The following UBE2E2 variants were observed in gnomAD, a reference collection of about 807,000 sequenced individuals.
UBE2E2 encodes the protein ubiquitin-conjugating enzyme E2 E2.
UBE2E2 carries 6 observed loss-of-function variants against 24.7 expected under a neutral mutation model. That is an observed-to-expected ratio of 0.24 (90% CI 0.13 to 0.48). The LOEUF (loss-of-function observed/expected upper bound fraction) is 0.48, where lower values mean the gene tolerates loss of function less well. Among genes scored for constraint, UBE2E2 ranks in the 20% least tolerant of loss-of-function variants. The pLI, the probability that UBE2E2 is intolerant of heterozygous loss-of-function variation, is 0.99. For missense variants in UBE2E2, 169 were observed against 245.0 expected (o/e 0.69, Z 2.07); for synonymous variants, 104 against 83.6 (o/e 1.24, Z -1.33).
At chr3:23,403,149 C>G (rs1432109800) in intron 3 of UBE2E2, among the ~76,000 whole-genome samples, 2 of 152,172 alleles carry the variant, frequency 1.3e-5, no homozygotes, top group Non-Finnish European at 2.9e-5. Flanking sequence ...AATTATTTGA[C>G]TTCTTGAACA....
At chr3:23,222,155 T>C (rs184027207) in intron 3 of UBE2E2, among the ~76,000 whole-genome samples, 88 of 152,310 alleles carry the variant, frequency 5.8e-4, no homozygotes, top group Non-Finnish European at 2.5e-4. Flanking sequence ...GTTCCATCCA[T>C]GTTGCTGCAC....
At chr3:23,269,093 A>G (rs1277752692) in intron 3 of UBE2E2, among the ~76,000 whole-genome samples, 1 of 152,068 alleles carries the variant, frequency 6.6e-6, no homozygotes, top group African/African-American at 2.4e-5. Flanking sequence ...CTAAAACCAT[A>G]AAAACCCTAG....
rs976593811 is a variant in UBE2E2 at position 23,319,835 on chromosome 3, AC to A, written c.227+102524del. ...TTGTCAAAAAAAAGAACAACAAAAA[AC>A]AAAAAACAAAAAAAAACCCAAAAAA... On this transcript the variant is annotated intron_variant, in intron 3 of 5. Transcript: ENST00000396703. Among the ~76,000 whole-genome samples, 10 of 151,822 alleles carry A rather than the reference AC, an allele frequency of 6.6e-5. 1 individual carries two copies. The highest frequency in any genetic ancestry group is 2.4e-4 in the African/African-American group (10 of 41,444).
intron 3 of UBE2E2, among the ~76,000 whole-genome samples, chr3:23,319,158 T>G (rs1694673828): frequency 6.6e-6 from 1 of 152,226 alleles, no homozygotes; most frequent in Non-Finnish European, 1.5e-5. Flanking sequence ...TAATCCAAAT[T>G]GATCCTGTTA....
At chr3:23,444,699 T>C (rs1455275780) in intron 3 of UBE2E2, among the ~76,000 whole-genome samples, 1 of 152,210 alleles carries the variant, frequency 6.6e-6, no homozygotes, top group Non-Finnish European at 1.5e-5. Context: ...TCAGCTGATA[T>C]TTTTTAATAG....
At chr3:23,247,024 ACGT>A (rs1429763926) in intron 3 of UBE2E2, among the ~76,000 whole-genome samples, 1 of 151,534 alleles carries the variant, frequency 6.6e-6, no homozygotes, top group Non-Finnish European at 1.5e-5. Flanking sequence ...TAATTTAAAA[ACGT>A]TTTTTATTGT....
intron 4 of UBE2E2, among the ~76,000 whole-genome samples, chr3:23,522,128 A>AT (rs34111484): frequency 0.09 from 11,219 of 124,228 alleles, 1,116 homozygotes; most frequent in Admixed American, 0.23. Context: ...TAACCAGCTA[A>AT]TTTTTTTTTT....
At chr3:23,386,960 C>A (rs1362838465) in intron 3 of UBE2E2, among the ~76,000 whole-genome samples, 3 of 152,178 alleles carry the variant, frequency 2.0e-5, no homozygotes, top group Non-Finnish European at 4.4e-5. Context: ...TGATCAGTTA[C>A]AGTTTACCCA....
chr3:23,371,185 G>A (rs948367506), intron 3 of UBE2E2, among the ~76,000 whole-genome samples: 10 of 151,784 alleles, frequency 6.6e-5, no homozygotes, highest in East Asian at 3.9e-4. Context: ...GCATGCCACC[G>A]CACCTGGCTA....
chr3:23,440,245 G>T (rs1274505814), intron 3 of UBE2E2, among the ~76,000 whole-genome samples: 2 of 152,104 alleles, frequency 1.3e-5, no homozygotes, highest in African/African-American at 4.8e-5. Flanking sequence ...CTGCACTCTA[G>T]CCTGAGTGAC....
At chr3:23,561,899 G>T (rs1695941105) in intron 5 of UBE2E2, among the ~76,000 whole-genome samples, 1 of 152,144 alleles carries the variant, frequency 6.6e-6, no homozygotes, top group East Asian at 1.9e-4. Flanking sequence ...GAATGCTTGT[G>T]ATTTTTGCAC....
intron 5 of UBE2E2, among the ~76,000 whole-genome samples, chr3:23,573,952 A>G (rs1363584940): frequency 1.3e-5 from 2 of 152,188 alleles, no homozygotes; most frequent in Non-Finnish European, 2.9e-5. Context: ...AATTTCACAA[A>G]CTAAAGCTGT....
At chr3:23,373,735 A>G (rs1696453361) in intron 3 of UBE2E2, among the ~76,000 whole-genome samples, 1 of 152,098 alleles carries the variant, frequency 6.6e-6, no homozygotes, top group Admixed American at 6.6e-5. Context: ...TACTGGATGT[A>G]TGTCACCATC....
At chr3:23,300,643 C>T (rs572025715) in intron 3 of UBE2E2, among the ~76,000 whole-genome samples, 16 of 152,246 alleles carry the variant, frequency 1.1e-4, no homozygotes, top group Middle Eastern at 3.4e-3. Flanking sequence ...GAGTTTCTGC[C>T]GAGAGATCAG....
chr3:23,375,082 A>C (rs1696488282), intron 3 of UBE2E2, among the ~76,000 whole-genome samples: 1 of 147,958 alleles, frequency 6.8e-6, no homozygotes, highest in Non-Finnish European at 1.5e-5. Flanking sequence ...ATGAGATATA[A>C]AAAAAAAATC....
intron 3 of UBE2E2, among the ~76,000 whole-genome samples, chr3:23,398,931 CTG>C (rs1053494769): frequency 1.3e-5 from 2 of 152,184 alleles, no homozygotes; most frequent in African/African-American, 4.8e-5. Context: ...AAAATAAAAA[CTG>C]TGTGTGTTGA....
intron 4 of UBE2E2, among the ~76,000 whole-genome samples, chr3:23,530,802 T>G (rs1695107367): frequency 6.6e-6 from 1 of 152,164 alleles, no homozygotes; most frequent in African/African-American, 2.4e-5. Context: ...TCTTTTTCCA[T>G]GAGGGCATCA....
intron 3 of UBE2E2, among the ~76,000 whole-genome samples, chr3:23,444,771 T>C (rs1442712877): frequency 6.6e-6 from 1 of 152,142 alleles, no homozygotes; most frequent in Non-Finnish European, 1.5e-5. Flanking sequence ...GTAAAGCAAA[T>C]GGATTCTAAG....
intron 3 of UBE2E2, among the ~76,000 whole-genome samples, chr3:23,331,526 A>T (rs1294043512): frequency 6.6e-6 from 1 of 151,966 alleles, no homozygotes; most frequent in African/African-American, 2.4e-5. Context: ...TAAGGTGGTG[A>T]TTTCAGATAG....
Sources: gnomAD v4.1 joint callset for allele counts (sites outside exome capture counted in the v4.1 genomes callset) on GRCh38, gnomAD v4.1.1 for gene constraint, MANE v1.5 for transcripts, NCBI Gene and HGNC (gene_info 2026-07-23, HGNC 2026-07-21) for gene names.